Variants in SGCZ observed in about 807,000 individuals in gnomAD.
SGCZ encodes sarcoglycan zeta.
A neutral mutation model predicts 41.3 loss-of-function variants in SGCZ; 40 were observed. The ratio of observed to expected loss-of-function variants is 0.97; its 90% confidence interval spans 0.75 to 1.26. The LOEUF (loss-of-function observed/expected upper bound fraction) is 1.26, where lower values mean the gene tolerates loss of function less well. Ranked by LOEUF, SGCZ falls within the 50% of genes most tolerant of loss-of-function variation. The pLI, the probability that SGCZ is intolerant of heterozygous loss-of-function variation, is 0.00. For synonymous variants in SGCZ, 206 were observed against 137.5 expected, an observed-to-expected ratio of 1.50 and a Z score of -3.49; for missense variants, 552 against 369.8, an observed-to-expected ratio of 1.49 and a Z score of -4.04.
intron 1 of SGCZ, among the ~76,000 whole-genome samples, chr8:14,556,463 T>G (rs1903596): frequency 6.6e-6 from 1 of 151,908 alleles, no homozygotes; most frequent in Non-Finnish European, 1.5e-5. Context: ...CATAGGTTTT[T>G]GGGAAACAGG....
intron 2 of SGCZ, among the ~76,000 whole-genome samples, chr8:14,432,462 A>T (rs576096577): frequency 6.6e-6 from 1 of 152,220 alleles, no homozygotes; most frequent in African/African-American, 2.4e-5. Flanking sequence ...CTCATTCATA[A>T]ATGGGAACTA....
At chr8:14,493,061 T>G (rs563777506) in intron 2 of SGCZ, among the ~76,000 whole-genome samples, 1 of 152,278 alleles carries the variant, frequency 6.6e-6, no homozygotes, top group South Asian at 2.1e-4. Context: ...CAAAAAATGT[T>G]TCTCTTTTCT....
chr8:15,185,607 G>A (rs1419278389), intron 1 of SGCZ, among the ~76,000 whole-genome samples: 1 of 152,142 alleles, frequency 6.6e-6, no homozygotes, highest in African/African-American at 2.4e-5. Context: ...GAAAACAGAA[G>A]AGAAACAGGG....
intron 1 of SGCZ, among the ~76,000 whole-genome samples, chr8:14,859,416 C>T (rs1481739258): frequency 3.3e-5 from 5 of 152,070 alleles, no homozygotes; most frequent in Admixed American, 3.3e-4. Context: ...AAAAGGTAGA[C>T]AATACGTTAT....
At chr8:14,783,841 C>T (rs1373153058) in intron 1 of SGCZ, among the ~76,000 whole-genome samples, 7 of 151,992 alleles carry the variant, frequency 4.6e-5, no homozygotes, top group Non-Finnish European at 1.0e-4. Context: ...ATTTATGTTG[C>T]TCACTATGGA....
At position 14,551,570 on chromosome 8, in the gene SGCZ, A is replaced by T. The variant is rs917993252; in HGVS notation, c.234+3162T>A. 9.6e-3 allele frequency among the ~76,000 whole-genome samples: 164 copies of T among 17,172 alleles called. 5 individuals carry two copies. Among genetic ancestry groups the T allele is most frequent in the Middle Eastern group, 0.036 (1 of 28 alleles). 11.3% of individuals were successfully genotyped at this position (17,172 alleles called of 152,430 possible). ...ATATATAATATATATTATATATATAATATATATATAATATATATAATATAT... is the reference window on the plus strand; with the variant it reads ...ATATATAATATATATTATATATATATTATATATATAATATATATAATATAT... On this transcript the variant is annotated intron_variant, in intron 2 of 7. Coordinates refer to ENST00000382080, the MANE Select transcript of SGCZ (RefSeq NM_139167.4).
At chr8:14,204,771 A>G (rs9325690) in intron 4 of SGCZ, among the ~76,000 whole-genome samples, 108,007 of 151,888 alleles carry the variant, frequency 0.71, 39,233 homozygotes, top group African/African-American at 0.84. Flanking sequence ...TGGACCTCAG[A>G]ACTTCAGGGT....
chr8:14,339,740 G>A (rs1802636944), intron 2 of SGCZ, among the ~76,000 whole-genome samples: 1 of 152,082 alleles, frequency 6.6e-6, no homozygotes, highest in African/African-American at 2.4e-5. Flanking sequence ...TAGCCAAAAG[G>A]ATGGAACTTA....
At chr8:14,101,928 T>C (rs1017509047) in intron 7 of SGCZ, among the ~76,000 whole-genome samples, 5 of 151,848 alleles carry the variant, frequency 3.3e-5, no homozygotes, top group Non-Finnish European at 5.9e-5. Flanking sequence ...AGTCTCGCTC[T>C]GTCGCCCCAG....
At chr8:14,786,858 A>AC (rs1800784681) in intron 1 of SGCZ, among the ~76,000 whole-genome samples, 1 of 151,446 alleles carries the variant, frequency 6.6e-6, no homozygotes, top group Non-Finnish European at 1.5e-5. Flanking sequence ...AAAACAAAAA[A>AC]CACATAGATT....
chr8:15,002,141 C>G (rs1418414499), intron 1 of SGCZ, among the ~76,000 whole-genome samples: 3 of 150,922 alleles, frequency 2.0e-5, no homozygotes, highest in Non-Finnish European at 4.4e-5. Flanking sequence ...CACAGAACAG[C>G]AGCATAACCA....
At chr8:14,197,455 T>C (rs900742003) in intron 4 of SGCZ, among the ~76,000 whole-genome samples, 2 of 152,086 alleles carry the variant, frequency 1.3e-5, no homozygotes, top group South Asian at 2.1e-4. Flanking sequence ...TAATACATCA[T>C]AGATAATGTT....
At chr8:14,335,339 T>A (rs1802471917) in intron 2 of SGCZ, among the ~76,000 whole-genome samples, 1 of 152,106 alleles carries the variant, frequency 6.6e-6, no homozygotes, top group Non-Finnish European at 1.5e-5. Flanking sequence ...TAAGCTTCTT[T>A]GAAGGGTGCT....
chr8:14,263,459 G>T (rs1799750427), intron 3 of SGCZ, among the ~76,000 whole-genome samples: 1 of 152,100 alleles, frequency 6.6e-6, no homozygotes, highest in Non-Finnish European at 1.5e-5. Context: ...TGAGGCAGGA[G>T]AATCACTTGA....
At chr8:14,404,756 G>A (rs1325632341) in intron 2 of SGCZ, among the ~76,000 whole-genome samples, 1 of 152,122 alleles carries the variant, frequency 6.6e-6, no homozygotes, top group Non-Finnish European at 1.5e-5. Context: ...TCTGTGTCTG[G>A]TTTTTGCTCT....
intron 1 of SGCZ, among the ~76,000 whole-genome samples, chr8:15,155,972 C>T (rs532093728): frequency 2.1e-5 from 3 of 145,702 alleles, no homozygotes; most frequent in Admixed American, 1.5e-4. Context: ...GCAGGAGAAT[C>T]GCTTGAACTT....
intron 1 of SGCZ, among the ~76,000 whole-genome samples, chr8:15,156,869 C>A (rs987957791): frequency 6.6e-6 from 1 of 150,608 alleles, no homozygotes; most frequent in Admixed American, 6.6e-5. Context: ...CGCTTGAACC[C>A]AGGAGACGGA....
intron 5 of SGCZ, among the ~76,000 whole-genome samples, chr8:14,118,173 T>C (rs1251620792): frequency 6.6e-6 from 1 of 152,120 alleles, no homozygotes; most frequent in Non-Finnish European, 1.5e-5. Flanking sequence ...TCTTCCACAA[T>C]GGTTGAACTA....
chr8:14,086,611 C>T lies in SGCZ; in HGVS notation c.*3832G>A, dbSNP rs753811861. 1.3e-5 allele frequency among the ~76,000 whole-genome samples: 2 copies of T among 151,680 alleles called. No individual in the cohort carries two copies. Among genetic ancestry groups the T allele is most frequent in the East Asian group, 3.9e-4 (2 of 5,150 alleles). On this transcript the variant is annotated 3_prime_UTR_variant, in exon 8 of 8. Transcript: ENST00000382080. ...TTAATATTTCTATTAATTTCCTAAA[C>T]AGTCATTTTGAATAAGATCCAAATG... is the stretch of plus-strand genomic sequence containing the variant.
Sources: allele counts gnomAD v4.1 joint callset (sites outside exome capture counted in the v4.1 genomes callset), GRCh38; gene constraint gnomAD v4.1.1; transcripts MANE v1.5; gene names NCBI Gene and HGNC (gene_info 2026-07-23, HGNC 2026-07-21).